Variants in CILK1 observed in about 807,000 individuals in gnomAD.
The protein encoded by CILK1 is ciliogenesis associated kinase 1.
A neutral mutation model predicts 79.2 loss-of-function variants in CILK1; 47 were observed. The observed-to-expected ratio is 0.59, with a 90% CI of 0.47 to 0.76. The LOEUF is 0.76. CILK1 is among the 30% of genes least tolerant of loss of function. CILK1 has a pLI of 0.00. For synonymous variants in CILK1, 266 were observed against 275.9 expected (o/e 0.96, Z 0.36); for missense variants, 660 against 769.5 (o/e 0.86, Z 1.68).
intron 8 of CILK1, among the ~76,000 whole-genome samples, chr6:53,015,826 C>T (rs1444159824): frequency 6.6e-6 from 1 of 152,170 alleles, no homozygotes. Flanking sequence ...ATGTTTATTT[C>T]CATTTCCATA....
chr6:53,033,645 G>C (rs1486213007), intron 3 of CILK1, among the ~76,000 whole-genome samples: 2 of 152,148 alleles, frequency 1.3e-5, no homozygotes, highest in East Asian at 3.9e-4. Context: ...ATAGAGAAGA[G>C]AGTCCAATAT....
At chr6:53,009,258 G>C (rs1203427688) in intron 12 of CILK1, among the ~76,000 whole-genome samples, 181 bp downstream of exon 12, 2 of 152,230 alleles carry the variant, frequency 1.3e-5, no homozygotes, top group Non-Finnish European at 2.9e-5. Flanking sequence ...CTGGGAGCTG[G>C]CTGAGTCCCA....
At chr6:53,036,833 C>T (rs1218564243) in intron 3 of CILK1, among the ~76,000 whole-genome samples, 2 of 152,160 alleles carry the variant, frequency 1.3e-5, no homozygotes, top group Non-Finnish European at 2.9e-5. Flanking sequence ...AAAAGAATAT[C>T]ATTCTTCTCA....
At chr6:53,060,734 A>G (rs1768377553) in intron 1 of CILK1, among the ~76,000 whole-genome samples, 1 of 152,260 alleles carries the variant, frequency 6.6e-6, no homozygotes, top group South Asian at 2.1e-4. Context: ...TTAATAATTT[A>G]TATGTTGACT....
At chr6:53,031,024 T>A in intron 5 of CILK1, 41 bp downstream of exon 5, 1 of 1,338,768 alleles carries the variant, frequency 7.5e-7, no homozygotes, top group Non-Finnish European at 1.1e-6. Flanking sequence ...GATAACAACA[T>A]TTCACTGCTC....
chr6:53,025,533 A>G (rs76983502), intron 5 of CILK1, among the ~76,000 whole-genome samples: 269 of 152,188 alleles, frequency 1.8e-3, no homozygotes, highest in African/African-American at 6.2e-3. Flanking sequence ...ATATACTTCC[A>G]CAGAGGACAT....
chr6:53,011,038 T>C (rs571608494), intron 11 of CILK1, among the ~76,000 whole-genome samples: 2 of 152,336 alleles, frequency 1.3e-5, no homozygotes, highest in East Asian at 3.9e-4. Flanking sequence ...GATTCACTAA[T>C]GCTGTAAGTT....
chr6:53,019,164 T>G (rs1378304066), intron 6 of CILK1, 63 bp downstream of exon 6: 1 of 1,480,452 alleles, frequency 6.8e-7, no homozygotes, highest in Admixed American at 1.7e-5. Flanking sequence ...AATATTATCC[T>G]TAGCATAATG....
intron 5 of CILK1, among the ~76,000 whole-genome samples, chr6:53,021,275 A>G (rs1765221994): frequency 6.8e-6 from 1 of 147,880 alleles, no homozygotes; most frequent in Non-Finnish European, 1.5e-5. Flanking sequence ...CAGTGAGCTG[A>G]GATCACACCA....
chr6:53,020,572 T>C (rs1401308558), intron 5 of CILK1, among the ~76,000 whole-genome samples: 1 of 152,198 alleles, frequency 6.6e-6, no homozygotes, highest in East Asian at 1.9e-4. Flanking sequence ...GGATTTCGGA[T>C]TTTTGGGTTA....
intron 1 of CILK1, among the ~76,000 whole-genome samples, chr6:53,055,708 C>T (rs146053022): frequency 5.8e-4 from 89 of 152,302 alleles, no homozygotes; most frequent in African/African-American, 1.6e-3. Context: ...CCATGAGAAG[C>T]TTCCATAACT....
chr6:53,009,576 G>T lies in CILK1; in HGVS notation c.1493-9C>A. ...ATTTCTTATACTGATCCCTGATAGA[G>T]AAGAAATGATTTTAAAATGCAAAAT... On this transcript the variant is annotated splice_polypyrimidine_tract_variant and intron_variant, in intron 11 of 13. Transcript: ENST00000676107. The T allele has an allele frequency of 6.2e-7, 1 of 1,602,758 alleles. No individual in the cohort carries two copies. The highest frequency in any genetic ancestry group is 8.5e-7 in the Non-Finnish European group (1 of 1,169,830).
chr6:53,057,087 C>T (rs1267481524), intron 1 of CILK1, among the ~76,000 whole-genome samples: 1 of 152,190 alleles, frequency 6.6e-6, no homozygotes, highest in Non-Finnish European at 1.5e-5. Context: ...GAGGGCAAAA[C>T]CATTAATAAC....
At chr6:53,027,520 G>A (rs1765651784) in intron 5 of CILK1, among the ~76,000 whole-genome samples, 1 of 152,214 alleles carries the variant, frequency 6.6e-6, no homozygotes, top group Non-Finnish European at 1.5e-5. Context: ...CCCAGAGGCA[G>A]AATGCACCTC....
At chr6:53,017,767 A>C (rs1032135232) in intron 7 of CILK1, among the ~76,000 whole-genome samples, 3 of 152,228 alleles carry the variant, frequency 2.0e-5, no homozygotes, top group Non-Finnish European at 4.4e-5. Flanking sequence ...GGATTTACCC[A>C]CCAACCGCTT....
intron 1 of CILK1, among the ~76,000 whole-genome samples, chr6:53,052,679 A>T (rs1309318422): frequency 2.6e-5 from 4 of 151,902 alleles, no homozygotes; most frequent in African/African-American, 9.7e-5. Context: ...TGCAGTGAGC[A>T]GAGATCGCAC....
chr6:53,045,334 AT>A (rs1322022634), intron 1 of CILK1, among the ~76,000 whole-genome samples: 2 of 151,942 alleles, frequency 1.3e-5, no homozygotes, highest in Admixed American at 6.6e-5. Flanking sequence ...ATCTTCAACT[AT>A]TTTTTTCCTA....
At chr6:53,025,564 G>GA (rs1020130529) in intron 5 of CILK1, among the ~76,000 whole-genome samples, 2 of 152,190 alleles carry the variant, frequency 1.3e-5, no homozygotes, top group Non-Finnish European at 2.9e-5. Flanking sequence ...GAAATGAGGG[G>GA]AAGGAAGATT....
intron 11 of CILK1, 72 bp from the exon 12 acceptor site, chr6:53,009,639 T>A: frequency 7.6e-7 from 1 of 1,323,986 alleles, no homozygotes; most frequent in Non-Finnish European, 1.1e-6. Context: ...AAGATAAAAT[T>A]AATGCAGAAC....
Sources: allele counts gnomAD v4.1 joint callset (sites outside exome capture counted in the v4.1 genomes callset), GRCh38; gene constraint gnomAD v4.1.1; transcripts MANE v1.5; gene names NCBI Gene and HGNC (gene_info 2026-07-23, HGNC 2026-07-21).